Variants in PTPRM observed in about 807,000 individuals in gnomAD.
PTPRM encodes the protein protein tyrosine phosphatase receptor type M.
PTPRM carries 47 observed loss-of-function variants against 186.7 expected under a neutral mutation model. The observed-to-expected ratio is 0.25, with a 90% CI of 0.20 to 0.32. The LOEUF (loss-of-function observed/expected upper bound fraction) is 0.32, where lower values mean the gene tolerates loss of function less well. Ranked by LOEUF, PTPRM falls within the 10% of genes least tolerant of loss-of-function variation. The pLI is 1.00. For missense variants in PTPRM, 1,494 were observed against 1,865.0 expected (o/e 0.80, Z 3.66); for synonymous variants, 668 against 674.9 (o/e 0.99, Z 0.16).
intron 11 of PTPRM, among the ~76,000 whole-genome samples, chr18:8,104,506 A>G (rs2091433105): frequency 6.6e-6 from 1 of 152,200 alleles, no homozygotes; most frequent in South Asian, 2.1e-4. Context: ...GTGCAGTAGC[A>G]TGATCATAGC....
At chr18:8,386,447 A>G (rs2095774060) in intron 30 of PTPRM, among the ~76,000 whole-genome samples, 1 of 152,200 alleles carries the variant, frequency 6.6e-6, no homozygotes, top group Non-Finnish European at 1.5e-5. Context: ...GTTGACAAGA[A>G]GAGAGTGTCA....
chr18:8,383,199 A>G (rs1251850), intron 29 of PTPRM, among the ~76,000 whole-genome samples: 112,204 of 150,212 alleles, frequency 0.75, 42,330 homozygotes, highest in African/African-American at 0.85. Context: ...TCAGGAGGCC[A>G]AGGCAAAAGA....
At chr18:8,025,460 C>T (rs1204470035) in intron 7 of PTPRM, among the ~76,000 whole-genome samples, 1 of 152,176 alleles carries the variant, frequency 6.6e-6, no homozygotes, top group African/African-American at 2.4e-5. Context: ...GATTAGGTGC[C>T]AGGAGAAGTT....
chr18:8,122,280 C>A lies in PTPRM; in HGVS notation c.2167+7453C>A, dbSNP rs1434968613. The A allele has an allele frequency of 2.0e-5, 3 of 152,660 alleles. No individual in the cohort carries two copies. In the East Asian group the frequency reaches 5.8e-4, roughly 30 times the overall value. 9.5% of individuals were successfully genotyped at this position (152,660 alleles called of 1,614,324 possible). Reference sequence around the variant, plus strand: ...GACTCAGCTTACAACACCTTACATTCGCATCGCCCCCGCTGCAGGCGACGG... The same window carrying A: ...GACTCAGCTTACAACACCTTACATTAGCATCGCCCCCGCTGCAGGCGACGG... On this transcript the variant is annotated intron_variant, in intron 13 of 32. Coordinates refer to ENST00000580170, the MANE Select transcript of PTPRM (RefSeq NM_001105244.2).
chr18:7,873,715 C>T (rs973318006), intron 2 of PTPRM, among the ~76,000 whole-genome samples: 1 of 152,142 alleles, frequency 6.6e-6, no homozygotes, highest in Non-Finnish European at 1.5e-5. Context: ...ATTAGCCAGT[C>T]TTCTTTTCTT....
chr18:8,358,008 T>C (rs1290025394), intron 23 of PTPRM, among the ~76,000 whole-genome samples: 1 of 152,182 alleles, frequency 6.6e-6, no homozygotes. Flanking sequence ...TGAGGTTTCT[T>C]ATATAAAACT....
chr18:8,023,688 A>G, intron 7 of PTPRM, among the ~76,000 whole-genome samples: 1 of 152,086 alleles, frequency 6.6e-6, no homozygotes, highest in East Asian at 1.9e-4. Context: ...GCAATTTTTG[A>G]GAGCTCATCA....
intron 1 of PTPRM, among the ~76,000 whole-genome samples, chr18:7,683,659 C>A (rs2144591578): frequency 6.6e-6 from 1 of 152,290 alleles, no homozygotes; most frequent in African/African-American, 2.4e-5. Context: ...GGATCAAGAA[C>A]TTCTTGATTA....
rs200351526 is a variant in PTPRM, at chr18:7,888,137, A to G, written c.228A>G (p.Arg76=). 9.7e-5 allele frequency: 156 copies of G among 1,613,940 alleles called. No homozygotes were observed. The highest frequency in any genetic ancestry group is 1.3e-4 in the Admixed American group (8 of 59,984). ...GSFMLVNASG[R]PEGQRAHLLL... Reference sequence around the variant, plus strand: ...TCATGCTGGTGAATGCCTCTGGGAGACCTGAGGGGCAGAGAGCCCACCTGC... The same window carrying G: ...TCATGCTGGTGAATGCCTCTGGGAGGCCTGAGGGGCAGAGAGCCCACCTGC... The change falls in exon 3 of 33, where the codon AGA becomes AGG. Residue 76 remains arginine, a synonymous_variant. Transcript: ENST00000580170.
At chr18:7,833,924 T>G (rs2045892842) in intron 2 of PTPRM, among the ~76,000 whole-genome samples, 1 of 152,198 alleles carries the variant, frequency 6.6e-6, no homozygotes. Flanking sequence ...TTTGACTTCT[T>G]CCTTTCCAAT....
At chr18:7,886,632 G>C (rs915032372) in intron 2 of PTPRM, among the ~76,000 whole-genome samples, 3 of 152,080 alleles carry the variant, frequency 2.0e-5, no homozygotes, top group African/African-American at 7.2e-5. Context: ...TGAGTAATGG[G>C]CTGGAAACTC....
chr18:7,998,201 T>G (rs1487263526), intron 7 of PTPRM, among the ~76,000 whole-genome samples: 2 of 152,032 alleles, frequency 1.3e-5, no homozygotes, highest in East Asian at 3.9e-4. Flanking sequence ...TATTCTGCCA[T>G]TAAAAAATGA....
intron 7 of PTPRM, among the ~76,000 whole-genome samples, chr18:7,982,520 C>CT (rs74271309): frequency 0.098 from 13,978 of 143,182 alleles, 1,605 homozygotes; most frequent in African/African-American, 0.29. Flanking sequence ...TCACAGTTAA[C>CT]TTTTTTTTTT....
chr18:8,377,240 A>T (rs1003985846), intron 26 of PTPRM: 2 of 152,206 alleles, frequency 1.3e-5, no homozygotes, highest in African/African-American at 2.4e-5. Context: ...CTGGAAAATG[A>T]TTCATGAAGT....
intron 7 of PTPRM, among the ~76,000 whole-genome samples, chr18:7,962,802 C>T (rs1328033559): frequency 6.6e-6 from 1 of 152,170 alleles, no homozygotes; most frequent in African/African-American, 2.4e-5. Flanking sequence ...TCTCTTAAAT[C>T]AAAGATAGTA....
chr18:7,933,975 C>G (rs755202003), intron 5 of PTPRM, among the ~76,000 whole-genome samples: 1 of 152,186 alleles, frequency 6.6e-6, no homozygotes, highest in Non-Finnish European at 1.5e-5. Flanking sequence ...TTCTTGTACC[C>G]TTTGCCTAGG....
At chr18:8,126,017 A>ATTTTTTT (rs1456992081) in intron 13 of PTPRM, among the ~76,000 whole-genome samples, 7 of 29,014 alleles carry the variant, frequency 2.4e-4, no homozygotes, top group Non-Finnish European at 6.2e-4. Context: ...ATATATATAT[A>ATTTTTTT]TATATATATA....
At chr18:8,180,635 C>T (rs1339678396) in intron 14 of PTPRM, among the ~76,000 whole-genome samples, 1 of 152,144 alleles carries the variant, frequency 6.6e-6, no homozygotes, top group Admixed American at 6.5e-5. Context: ...GCTGCATGTA[C>T]ACTGTGTTTA....
At chr18:7,770,916 T>C (rs1052687148) in intron 1 of PTPRM, among the ~76,000 whole-genome samples, 2 of 152,214 alleles carry the variant, frequency 1.3e-5, no homozygotes, top group Non-Finnish European at 1.5e-5. Flanking sequence ...CTGGGAAATA[T>C]GAAATTCATA....
Sources: gnomAD v4.1 joint callset for allele counts (sites outside exome capture counted in the v4.1 genomes callset) on GRCh38, gnomAD v4.1.1 for gene constraint, MANE v1.5 for transcripts, NCBI Gene and HGNC (gene_info 2026-07-23, HGNC 2026-07-21) for gene names.